The following CYB5R4 variants were observed in gnomAD, a reference collection of about 807,000 sequenced individuals.
CYB5R4 encodes the protein N-terminal cytochrome b5 and cytochrome b5 oxidoreductase domain-containing protein.
Under a neutral mutation model 70.2 loss-of-function variants are expected in CYB5R4, and 55 were observed. The observed-to-expected ratio is 0.78, with a 90% CI of 0.63 to 0.98. The LOEUF is 0.98. Ranked by LOEUF, CYB5R4 falls within the 50% of genes least tolerant of loss-of-function variation. CYB5R4 has a pLI of 0.00. For synonymous variants in CYB5R4, 197 were observed against 199.5 expected (o/e 0.99, Z 0.11); for missense variants, 562 against 612.6 (o/e 0.92, Z 0.87).
chr6:83,937,139 A>G (rs2099469043), intron 12 of CYB5R4, among the ~76,000 whole-genome samples: 1 of 152,006 alleles, frequency 6.6e-6, no homozygotes, highest in East Asian at 1.9e-4. Flanking sequence ...GCCGGGTATG[A>G]TGGCGGGCGC....
chr6:83,869,428 A>G (rs2099457240), intron 2 of CYB5R4, among the ~76,000 whole-genome samples: 2 of 152,216 alleles, frequency 1.3e-5, no homozygotes, highest in Admixed American at 6.5e-5. Context: ...ATTCAAAGAC[A>G]CACACAGAGC....
rs185837195 is a variant in CYB5R4 at position 83,912,999 on chromosome 6, A to G, written c.413-1417A>G. On this transcript the variant is annotated intron_variant, in intron 4 of 15. Transcript: ENST00000369681. ...AAGAGATAATATTTTCTTCTTAGAA[A>G]TAAATTACCTGGGACAATTTTTCAA... Among the ~76,000 whole-genome samples, 167 of 152,340 alleles carry G rather than the reference A, an allele frequency of 1.1e-3. 1 individual carries two copies. The highest frequency in any genetic ancestry group is 3.8e-3 in the African/African-American group (159 of 41,590).
chr6:83,868,585 T>A (rs1021697291), intron 2 of CYB5R4, among the ~76,000 whole-genome samples: 2 of 152,240 alleles, frequency 1.3e-5, no homozygotes, highest in Non-Finnish European at 2.9e-5. Context: ...TTAATTGGAA[T>A]GCTGAAGAAA....
At chr6:83,884,121 G>T (rs970456722) in intron 2 of CYB5R4, among the ~76,000 whole-genome samples, 1 of 151,660 alleles carries the variant, frequency 6.6e-6, no homozygotes, top group Non-Finnish European at 1.5e-5. Flanking sequence ...TAAATGAATC[G>T]AGCACTCTAA....
intron 2 of CYB5R4, among the ~76,000 whole-genome samples, chr6:83,877,230 A>C (rs2099458707): frequency 2.6e-5 from 4 of 152,118 alleles, no homozygotes; most frequent in Non-Finnish European, 5.9e-5. Flanking sequence ...ATATATTGTC[A>C]TTGAGCATAC....
chr6:83,898,452 T>C (rs1192520223), intron 3 of CYB5R4, among the ~76,000 whole-genome samples: 6 of 152,182 alleles, frequency 3.9e-5, no homozygotes, highest in Non-Finnish European at 8.8e-5. Context: ...TGTGGGCTCT[T>C]TTTTGGTTCC....
At chr6:83,887,323 C>A (rs1482608036) in intron 2 of CYB5R4, among the ~76,000 whole-genome samples, 1 of 152,140 alleles carries the variant, frequency 6.6e-6, no homozygotes, top group Non-Finnish European at 1.5e-5. Flanking sequence ...TTAAGACTAT[C>A]ATTCTGTGAT....
chr6:83,881,280 T>C (rs1454715495), intron 2 of CYB5R4, among the ~76,000 whole-genome samples: 2 of 152,100 alleles, frequency 1.3e-5, no homozygotes, highest in African/African-American at 4.8e-5. Flanking sequence ...GCTCAAGTGA[T>C]CTTCCTGCCT....
intron 14 of CYB5R4, among the ~76,000 whole-genome samples, chr6:83,940,908 G>A (rs902071854): frequency 6.6e-6 from 1 of 152,108 alleles, no homozygotes; most frequent in Non-Finnish European, 1.5e-5. Flanking sequence ...GTTTGGTAAT[G>A]CAAGATTTTT....
intron 2 of CYB5R4, among the ~76,000 whole-genome samples, chr6:83,892,912 T>C (rs1292635497): frequency 1.3e-5 from 2 of 152,208 alleles, no homozygotes; most frequent in Non-Finnish European, 2.9e-5. Flanking sequence ...TTCATTTCTT[T>C]GTGTTGGGAG....
intron 6 of CYB5R4, 46 bp downstream of exon 6, chr6:83,918,111 C>G (rs1449480786): frequency 7.3e-7 from 1 of 1,368,966 alleles, no homozygotes; most frequent in Non-Finnish European, 1.0e-6. Flanking sequence ...CAATTATGTA[C>G]AAAAATGTAC....
At chr6:83,944,502 T>C (rs2099470260) in intron 14 of CYB5R4, among the ~76,000 whole-genome samples, 1 of 152,086 alleles carries the variant, frequency 6.6e-6, no homozygotes, top group South Asian at 2.1e-4. Flanking sequence ...TAAAGACCAT[T>C]GAAACTATGA....
chr6:83,919,278 G>T (rs2099465992), intron 6 of CYB5R4, 119 bp from the exon 7 acceptor site: 2 of 549,400 alleles, frequency 3.6e-6, no homozygotes, highest in East Asian at 7.6e-5. Context: ...TAGAAAAAAA[G>T]CTTAACCTAG....
chr6:83,893,843 T>TAA (rs1434348113), intron 3 of CYB5R4, among the ~76,000 whole-genome samples: 3 of 152,222 alleles, frequency 2.0e-5, no homozygotes, highest in African/African-American at 7.2e-5. Flanking sequence ...CTAGGGGTCT[T>TAA]CTTTTAAGTG....
In CYB5R4 at chr6:83,871,755, T is replaced by A. The variant is rs79887754; in HGVS notation, c.229+7427T>A. Among the ~76,000 whole-genome samples the A allele has an allele frequency of 1.4e-4, 21 of 152,082 alleles. No homozygotes were observed. In the East Asian group the frequency reaches 4.0e-3, roughly 29 times the overall value. ...ATGAATTCATTAATTTTATCTCATT[T>A]AATATATTGGCATATAGTTATTTGT... On this transcript the variant is annotated intron_variant, in intron 2 of 15. Transcript: ENST00000369681.
chr6:83,921,212 G>C, intron 8 of CYB5R4, 37 bp downstream of exon 8: 1 of 1,416,828 alleles, frequency 7.1e-7, no homozygotes, highest in East Asian at 2.6e-5. Context: ...AAGAGCTCTG[G>C]TTTTCTTTAA....
chr6:83,864,141 A>G, intron 1 of CYB5R4, 34 bp from the exon 2 acceptor site: 1 of 1,513,398 alleles, frequency 6.6e-7, no homozygotes, highest in Non-Finnish European at 8.9e-7. Context: ...AAAGTAATGA[A>G]GCTAGATTTA....
chr6:83,860,205 T>C (rs749927444), intron 1 of CYB5R4, among the ~76,000 whole-genome samples: 1 of 152,118 alleles, frequency 6.6e-6, no homozygotes, highest in Non-Finnish European at 1.5e-5. Context: ...CAACCTCATC[T>C]TCTCCCTGGT....
chr6:83,859,981 T>C (rs763904668), intron 1 of CYB5R4, 124 bp downstream of exon 1: 11 of 900,812 alleles, frequency 1.2e-5, no homozygotes, highest in Non-Finnish European at 1.7e-5. Flanking sequence ...CCTGCTGTCC[T>C]TGCCTGCAAC....
Sources: allele counts gnomAD v4.1 joint callset (sites outside exome capture counted in the v4.1 genomes callset), GRCh38; gene constraint gnomAD v4.1.1; transcripts MANE v1.5; gene names NCBI Gene and HGNC (gene_info 2026-07-23, HGNC 2026-07-21).